Variants in KCNQ4 observed in about 807,000 individuals in gnomAD.
KCNQ4 encodes the protein potassium voltage-gated channel subfamily Q member 4, also known as potassium voltage-gated channel subfamily KQT member 4.
A neutral mutation model predicts 72.6 loss-of-function variants in KCNQ4; 31 were observed. That is an observed-to-expected ratio of 0.43 (90% confidence interval 0.32 to 0.58). The LOEUF is 0.58. Ranked by LOEUF, KCNQ4 falls within the 20% of genes least tolerant of loss-of-function variation. The pLI, the probability that KCNQ4 is intolerant of heterozygous loss-of-function variation, is 0.08. For missense variants in KCNQ4, 869 were observed against 962.6 expected (o/e 0.90, Z 1.29); for synonymous variants, 405 against 403.7 (o/e 1.00, Z -0.04).
intron 1 of KCNQ4, among the ~76,000 whole-genome samples, chr1:40,798,170 A>G (rs1380730732): frequency 2.0e-5 from 3 of 152,146 alleles, no homozygotes; most frequent in Non-Finnish European, 4.4e-5. Context: ...ACAGGCTCAG[A>G]ACAGGGCAGG....
At chr1:40,812,984 A>G (rs1486658818) in intron 1 of KCNQ4, among the ~76,000 whole-genome samples, 1 of 152,248 alleles carries the variant, frequency 6.6e-6, no homozygotes, top group Non-Finnish European at 1.5e-5. Context: ...AGGCCCCTCC[A>G]AAGAAGTGGC....
chr1:40,808,193 C>T (rs1037211581), intron 1 of KCNQ4, among the ~76,000 whole-genome samples: 10 of 151,620 alleles, frequency 6.6e-5, no homozygotes, highest in Middle Eastern at 6.3e-3. Context: ...GCTGGAAAGA[C>T]GAGGGAAGGA....
intron 1 of KCNQ4, among the ~76,000 whole-genome samples, chr1:40,792,047 T>G (rs1466268173): frequency 3.2e-4 from 40 of 123,792 alleles, no homozygotes; most frequent in African/African-American, 6.3e-4. Flanking sequence ...GGGTCGGGGG[T>G]GGGGTAGGGA....
At chr1:40,786,551 A>G (rs966840435) in intron 1 of KCNQ4, among the ~76,000 whole-genome samples, 1 of 152,202 alleles carries the variant, frequency 6.6e-6, no homozygotes, top group Admixed American at 6.5e-5. Context: ...GTATGGTGTG[A>G]AAGTGTCCTG....
chr1:40,802,524 T>TCCCCGCCCCCGGCATG (rs1553166257), intron 1 of KCNQ4, among the ~76,000 whole-genome samples: 3 of 151,656 alleles, frequency 2.0e-5, no homozygotes, highest in Non-Finnish European at 4.4e-5. Context: ...CGCCCACCAT[T>TCCCCGCCCCCGGCATG]CCCCGCCCCC....
At chr1:40,826,601 G>A (rs1258589857) in intron 9 of KCNQ4, 9 of 446,964 alleles carry the variant, frequency 2.0e-5, no homozygotes, top group Admixed American at 9.4e-5. Flanking sequence ...CCCCTTTCCC[G>A]CTAACCTCTG....
At chr1:40,837,943 G>A in intron 13 of KCNQ4, 149 bp downstream of exon 13, 3 of 1,082,036 alleles carry the variant, frequency 2.8e-6, no homozygotes, top group South Asian at 3.0e-5. Flanking sequence ...CCCCGCCCTC[G>A]CCGCCAGACA....
chr1:40,827,818 A>G (rs112790277), intron 9 of KCNQ4, among the ~76,000 whole-genome samples: 1 of 152,204 alleles, frequency 6.6e-6, no homozygotes, highest in Non-Finnish European at 1.5e-5. Flanking sequence ...AGATGTAAAT[A>G]GGGTCTGCTT....
At position 40,837,799 on chromosome 1, in the gene KCNQ4, G is replaced by C. The variant is rs1046693576; in HGVS notation, c.1875+5G>C. ...GTGGTCAAGGTGGAGAAGCAGGTGA[G>C]TGTAGGATGGGGTGGCGGAGCTGGC... On this transcript the variant is annotated splice_donor_5th_base_variant and intron_variant, in intron 13 of 13. Coordinates refer to ENST00000347132, the MANE Select transcript of KCNQ4 (RefSeq NM_004700.4). 1 of 1,605,824 alleles carries C rather than the reference G, an allele frequency of 6.2e-7. No homozygotes were observed. Among genetic ancestry groups the C allele is most frequent in the African/African-American group, 1.3e-5 (1 of 74,850 alleles).
At chr1:40,818,372 C>A in intron 3 of KCNQ4, 82 bp downstream of exon 3, 2 of 1,595,556 alleles carry the variant, frequency 1.3e-6, no homozygotes, top group Non-Finnish European at 1.7e-6. Context: ...CGACTCTGAC[C>A]CTGGAGACCC....
At chr1:40,822,258 G>T in intron 7 of KCNQ4, 56 bp from the exon 8 acceptor site, 5 of 1,410,786 alleles carry the variant, frequency 3.5e-6, no homozygotes, top group Non-Finnish European at 5.0e-6. Context: ...GAGAGGGCTG[G>T]TGGGGACTGA....
At chr1:40,808,378 G>A (rs748470391) in intron 1 of KCNQ4, among the ~76,000 whole-genome samples, 1 of 152,202 alleles carries the variant, frequency 6.6e-6, no homozygotes, top group Non-Finnish European at 1.5e-5. Flanking sequence ...AAATGCATGT[G>A]TTGAGTGCCT....
rs183320028 is a variant in KCNQ4, at chr1:40,818,064, C to T, written c.406-100C>T. ...TCCAGGAGAGGGGTCCGAGGAGGCC[C>T]TGGTCCCCCTAACCCAGGGACTCTT... On this transcript the variant is annotated intron_variant, in intron 2 of 13. Coordinates refer to ENST00000347132, the MANE Select transcript of KCNQ4 (RefSeq NM_004700.4). 4.6e-5 allele frequency: 70 copies of T among 1,531,756 alleles called. No individual in the cohort carries two copies. The African/African-American group carries it at 7.8e-4, about 17-fold the overall frequency. 94.9% of individuals were successfully genotyped at this position (1,531,756 alleles called of 1,614,324 possible). A position where few individuals can be genotyped will look rare whatever the true frequency, so the allele number is the denominator to read the frequency against.
chr1:40,799,438 C>CCG (rs1647512446), intron 1 of KCNQ4, among the ~76,000 whole-genome samples: 1 of 150,878 alleles, frequency 6.6e-6, no homozygotes, highest in African/African-American at 2.4e-5. Context: ...CCATGCCCCC[C>CCG]CCCTCGCTAG....
intron 1 of KCNQ4, among the ~76,000 whole-genome samples, chr1:40,808,792 A>G (rs1350549911): frequency 6.6e-6 from 1 of 151,986 alleles, no homozygotes; most frequent in Admixed American, 6.6e-5. Flanking sequence ...CTCCTTCTTG[A>G]TCTCTTGGCT....
In KCNQ4 at chr1:40,819,935, C is replaced by T; in HGVS notation, c.895C>T (p.Leu299=). 1 of 1,614,246 alleles carries T rather than the reference C, an allele frequency of 6.2e-7. No homozygotes were observed. ...ACCGCACACATGGCTGGGCAGGGTC[C>T]TGGCTGCTGGCTTCGCCTTACTGGG... ...KTPHTWLGRV[L]AAGFALLGIS... Residue 299 remains leucine, a synonymous_variant, in exon 6 of 14, where the codon CTG becomes TTG. Coordinates refer to ENST00000347132, the MANE Select transcript of KCNQ4 (RefSeq NM_004700.4).
At chr1:40,811,539 ACT>A (rs1336804640) in intron 1 of KCNQ4, among the ~76,000 whole-genome samples, 2 of 152,126 alleles carry the variant, frequency 1.3e-5, no homozygotes, top group Admixed American at 6.6e-5. Flanking sequence ...CCTCCAGGTG[ACT>A]CTGACACCCA....
At chr1:40,818,988 G>T in intron 4 of KCNQ4, 1 of 577,128 alleles carries the variant, frequency 1.7e-6, no homozygotes, top group Non-Finnish European at 3.2e-6. Flanking sequence ...GTGGGCAGCT[G>T]AGGTGGGACT....
At chr1:40,791,501 A>T (rs577429926) in intron 1 of KCNQ4, among the ~76,000 whole-genome samples, 1 of 152,242 alleles carries the variant, frequency 6.6e-6, no homozygotes, top group East Asian at 1.9e-4. Context: ...TCCCTGGGCA[A>T]CCCTGTCCCT....
Sources: gnomAD v4.1 joint callset for allele counts (sites outside exome capture counted in the v4.1 genomes callset) on GRCh38, gnomAD v4.1.1 for gene constraint, MANE v1.5 for transcripts, NCBI Gene and HGNC (gene_info 2026-07-23, HGNC 2026-07-21) for gene names.